The following PDE1A variants were observed in gnomAD, a reference collection of about 807,000 sequenced individuals.
The protein encoded by PDE1A is dual specificity calcium/calmodulin-dependent 3',5'-cyclic nucleotide phosphodiesterase 1A.
Under a neutral mutation model 61.7 loss-of-function variants are expected in PDE1A, and 35 were observed. The ratio of observed to expected loss-of-function variants is 0.57; its 90% CI spans 0.43 to 0.75. The LOEUF is 0.75. Ranked by LOEUF, PDE1A falls within the 30% of genes least tolerant of loss-of-function variation. The pLI is 0.00. For missense variants in PDE1A, 597 were observed against 630.6 expected, an observed-to-expected ratio of 0.95 and a Z score of 0.57; for synonymous variants, 232 against 213.2, an observed-to-expected ratio of 1.09 and a Z score of -0.77.
intron 13 of PDE1A, among the ~76,000 whole-genome samples, chr2:182,176,071 T>C (rs1692742040): frequency 2.7e-5 from 4 of 149,692 alleles, no homozygotes; most frequent in Non-Finnish European, 5.9e-5. Flanking sequence ...AGTACCATGC[T>C]ATTTTGGTTA....
chr2:182,220,775 G>GA (rs1688649519), intron 7 of PDE1A, among the ~76,000 whole-genome samples: 1 of 151,592 alleles, frequency 6.6e-6, no homozygotes, highest in South Asian at 2.1e-4. Context: ...TTCCAGATTG[G>GA]AAAAAACACT....
chr2:182,218,928 C>G (rs377399564), intron 7 of PDE1A, among the ~76,000 whole-genome samples: 6 of 151,964 alleles, frequency 3.9e-5, no homozygotes, highest in Non-Finnish European at 8.8e-5. Context: ...CTAGATATAT[C>G]AAAGTGAATA....
chr2:182,597,064 G>A, the PDE1A span, among the ~76,000 whole-genome samples: 3 of 151,332 alleles, frequency 2.0e-5, no homozygotes, highest in African/African-American at 7.3e-5. Flanking sequence ...GAGGTGGGAA[G>A]ATCACCTGAG....
intron 7 of PDE1A, among the ~76,000 whole-genome samples, chr2:182,221,768 A>G (rs542674867): frequency 2.0e-4 from 31 of 152,026 alleles, no homozygotes; most frequent in Non-Finnish European, 3.5e-4. Flanking sequence ...GCAGACTTAT[A>G]TAAGAACTGG....
At chr2:182,153,337 G>A (rs2125278589) in intron 13 of PDE1A, among the ~76,000 whole-genome samples, 1 of 152,276 alleles carries the variant, frequency 6.6e-6, no homozygotes. Context: ...TGTTAGTGAA[G>A]GGATGAGGAG....
the PDE1A span, among the ~76,000 whole-genome samples, chr2:182,635,988 C>T: frequency 0.44 from 52,962 of 119,560 alleles, 11,920 homozygotes; most frequent in Admixed American, 0.61. Flanking sequence ...CAGAGTCTTG[C>T]TCTTTTGCCC....
chr2:182,453,231 T>C lies in PDE1A; in HGVS notation c.101+69045A>G, dbSNP rs549345861. 1.6e-4 allele frequency among the ~76,000 whole-genome samples: 24 copies of C among 152,128 alleles called. No individual in the cohort carries two copies. In the East Asian group the frequency reaches 4.7e-3, roughly 30 times the overall value. On this transcript the variant is annotated intron_variant, in intron 2 of 14. Coordinates refer to the PDE1A transcript ENST00000410103. The stretch of plus-strand genomic sequence containing the variant: ...TCCTCATTAGGGTAATTCCTTTGTT[T>C]CGGCACTATCGTTATTAGTCATTCA...
At chr2:182,221,942 G>A (rs1688762874) in intron 7 of PDE1A, among the ~76,000 whole-genome samples, 1 of 151,572 alleles carries the variant, frequency 6.6e-6, no homozygotes, top group Non-Finnish European at 1.5e-5. Context: ...ACTCATCTTA[G>A]GGTCCTTTAA....
At chr2:182,558,661 T>C in the PDE1A span, among the ~76,000 whole-genome samples, 1 of 152,208 alleles carries the variant, frequency 6.6e-6, no homozygotes, top group Admixed American at 6.5e-5. Flanking sequence ...AGCTAACAGT[T>C]CTTTCATAGT....
intron 1 of PDE1A, among the ~76,000 whole-genome samples, chr2:182,332,763 T>G (rs1442947814): frequency 2.0e-5 from 3 of 152,210 alleles, no homozygotes; most frequent in African/African-American, 7.2e-5. Flanking sequence ...AGAGCTCTCC[T>G]GTATGAGGTG....
Position 182,250,328 on chromosome 2 carries a change from T to C in PDE1A, c.168-10036A>G, listed in dbSNP as rs928329697. ...TGAATTGTTTTCTCATAGAGAAATA[T>C]ATCTGGATGACAAAATTTCAGGACA... On this transcript the variant is annotated intron_variant, in intron 2 of 13. Transcript: ENST00000351439. Among the ~76,000 whole-genome samples the C allele has an allele frequency of 2.6e-5, 4 of 152,230 alleles. No individual in the cohort carries two copies. In the East Asian group the frequency reaches 7.7e-4, roughly 29 times the overall value.
chr2:182,572,167 G>A, the PDE1A span, among the ~76,000 whole-genome samples: 1 of 152,162 alleles, frequency 6.6e-6, no homozygotes, highest in Non-Finnish European at 1.5e-5. Flanking sequence ...AATGGAAGTC[G>A]GGAGAATGTC....
intron 1 of PDE1A, among the ~76,000 whole-genome samples, chr2:182,267,402 T>C (rs1692706263): frequency 6.7e-6 from 1 of 149,046 alleles, no homozygotes; most frequent in South Asian, 2.1e-4. Flanking sequence ...TATAACTCAG[T>C]AAAACCATAT....
chr2:182,606,977 C>G, the PDE1A span, among the ~76,000 whole-genome samples: 2 of 152,018 alleles, frequency 1.3e-5, no homozygotes, highest in East Asian at 3.9e-4. Context: ...AGATGGGAGA[C>G]CAGTCTCAAA....
At chr2:182,522,364 C>G in exon 2 of PDE1A, 1 of 1,613,456 alleles carries the variant, frequency 6.2e-7, no homozygotes, top group Non-Finnish European at 8.5e-7. Context: ...ATCTCTGTGG[C>G]ACTAGACCCC....
At chr2:182,624,888 A>T in the PDE1A span, among the ~76,000 whole-genome samples, 1 of 152,052 alleles carries the variant, frequency 6.6e-6, no homozygotes, top group Non-Finnish European at 1.5e-5. Flanking sequence ...ACCTCTTTCC[A>T]TACTTCAGCT....
chr2:182,604,757 T>G, the PDE1A span, among the ~76,000 whole-genome samples: 4 of 152,320 alleles, frequency 2.6e-5, no homozygotes, highest in Admixed American at 6.5e-5. Context: ...ATTCACAGCA[T>G]TCTAAGAAAT....
At chr2:182,221,956 C>T (rs929216726) in intron 7 of PDE1A, among the ~76,000 whole-genome samples, 1 of 151,770 alleles carries the variant, frequency 6.6e-6, no homozygotes, top group Non-Finnish European at 1.5e-5. Flanking sequence ...CCTTTAAGTT[C>T]TAAAGTGTCT....
At chr2:182,157,019 A>ATTTTT (rs1188867398) in intron 13 of PDE1A, among the ~76,000 whole-genome samples, 6 of 120,494 alleles carry the variant, frequency 5.0e-5, no homozygotes, top group South Asian at 2.2e-4. Context: ...ATTTTATTTT[A>ATTTTT]TTTTTTTTTT....
Sources: gnomAD v4.1 joint callset for allele counts (sites outside exome capture counted in the v4.1 genomes callset) on GRCh38, gnomAD v4.1.1 for gene constraint, MANE v1.5 for transcripts, NCBI Gene and HGNC (gene_info 2026-07-23, HGNC 2026-07-21) for gene names.